The following RAD52 variants were observed in gnomAD, a reference collection of about 807,000 sequenced individuals.
RAD52 encodes RAD52 DNA repair protein, also known as DNA repair protein RAD52 homolog.
In RAD52, 47 loss-of-function variants were observed where a neutral mutation model predicts 55.5. That is an observed-to-expected ratio of 0.85 (90% CI 0.67 to 1.08). The LOEUF (loss-of-function observed/expected upper bound fraction) is 1.08, where lower values mean the gene tolerates loss of function less well. Among genes scored for constraint, RAD52 ranks in the 50% least tolerant of loss-of-function variants. The pLI, the probability that RAD52 is intolerant of heterozygous loss-of-function variation, is 0.00. For synonymous variants in RAD52, 184 were observed against 198.9 expected, an observed-to-expected ratio of 0.92 and a Z score of 0.63; for missense variants, 468 against 522.8, an observed-to-expected ratio of 0.90 and a Z score of 1.02.
intron 7 of RAD52, among the ~76,000 whole-genome samples, chr12:922,434 T>C (rs11064593): frequency 0.36 from 54,009 of 151,916 alleles, 10,067 homozygotes; most frequent in East Asian, 0.53. Context: ...CCCTCGTTCA[T>C]AGCAGCATTA....
intron 7 of RAD52, among the ~76,000 whole-genome samples, chr12:924,760 T>C (rs1488631029): frequency 8.6e-6 from 1 of 116,518 alleles, no homozygotes; most frequent in Non-Finnish European, 2.1e-5. Context: ...ACATCAGACA[T>C]GTAATGACAC....
intron 1 of RAD52, among the ~76,000 whole-genome samples, chr12:940,104 T>C (rs1157127790): frequency 2.0e-5 from 3 of 148,904 alleles, no homozygotes; most frequent in South Asian, 4.2e-4. Flanking sequence ...AAGAGGACAA[T>C]GGAGAGCCTA....
rs1250295451 is a variant in RAD52 at position 916,832 on chromosome 12, G to A, written c.544-12C>T. The A allele has an allele frequency of 1.3e-6, 2 of 1,590,014 alleles. No individual in the cohort carries two copies. Among genetic ancestry groups the A allele is most frequent in the Non-Finnish European group, 1.7e-6 (2 of 1,160,642 alleles). On this transcript the variant is annotated splice_polypyrimidine_tract_variant and intron_variant, in intron 7 of 11. Coordinates refer to ENST00000358495, the MANE Select transcript of RAD52 (RefSeq NM_134424.4). ...ACTTCAAGAGGCAACTAGAAGGAAA[G>A]AAGAAAAACAAATTCCTTCAACTGG...
chr12:913,163 T>C lies in RAD52; in HGVS notation c.*228A>G. The C allele has an allele frequency of 2.2e-6, 1 of 452,674 alleles. No homozygotes were observed. Among genetic ancestry groups the C allele is most frequent in the Non-Finnish European group, 3.9e-6 (1 of 257,042 alleles). The allele number at this position is 452,674 out of a possible 1,614,324, so 28.0% of individuals were successfully genotyped here. A position where few individuals can be genotyped will look rare whatever the true frequency, so the allele number is the denominator to read the frequency against. On this transcript the variant is annotated 3_prime_UTR_variant, in exon 12 of 12. Transcript: ENST00000358495. ...GCCTCACAAGCCGAAGAAAAGGTAT[T>C]CATCTGTCCAGAGCCTCTCCCTACT...
rs777792152 is a variant in RAD52 at position 913,916 on chromosome 12, A to G, written c.1173T>C (p.Tyr391=). ...TACCTGTTGTGCGTTGGTCAGCGCT[A>G]TAAGTTTGGAGGTCCCAAGATCCAG... The part of the protein sequence containing the change: ...AKSGSWDLQT[Y]SADQRTTGNW... Residue 391 remains tyrosine, a synonymous_variant, in exon 11 of 12, where the codon TAT becomes TAC. Coordinates refer to ENST00000358495, the MANE Select transcript of RAD52 (RefSeq NM_134424.4). 1.4e-5 allele frequency: 23 copies of G among 1,614,018 alleles called. No homozygotes were observed. The East Asian group carries it at 2.0e-4, about 14-fold the overall frequency.
intron 1 of RAD52, among the ~76,000 whole-genome samples, chr12:937,304 T>C (rs1957688483): frequency 6.6e-6 from 1 of 152,208 alleles, no homozygotes; most frequent in Non-Finnish European, 1.5e-5. Context: ...CTCTGCTTCC[T>C]GAGAGCACAC....
chr12:944,622 A>C (rs554035815), intron 1 of RAD52, among the ~76,000 whole-genome samples: 20 of 146,618 alleles, frequency 1.4e-4, no homozygotes, highest in East Asian at 8.6e-4. Flanking sequence ...AAAAAAAAAA[A>C]AAAAAACTCA....
At position 912,031 on chromosome 12, in the gene RAD52, A is replaced by G. The variant is rs897563288; in HGVS notation, c.*1360T>C. 6.0e-5 allele frequency: 12 copies of G among 200,610 alleles called. No homozygotes were observed. Among genetic ancestry groups the G allele is most frequent in the Non-Finnish European group, 1.1e-4 (11 of 97,336 alleles). The allele number at this position is 200,610 out of a possible 1,614,324, so 12.4% of individuals were successfully genotyped here. A position where few individuals can be genotyped will look rare whatever the true frequency, so the allele number is the denominator to read the frequency against. On this transcript the variant is annotated 3_prime_UTR_variant, in exon 12 of 12. Transcript: ENST00000358495. ...AGAGCCAGACCCCCCCTCTCAAAAAAAAAGTTGTTAAACTGCAAACTTCAT... is the reference window on the plus strand; with the variant it reads ...AGAGCCAGACCCCCCCTCTCAAAAAGAAAGTTGTTAAACTGCAAACTTCAT...
chr12:990,373 CAAAA>C (rs908339565), upstream of RAD52: 2 of 151,364 alleles, frequency 1.3e-5, no homozygotes, highest in African/African-American at 4.9e-5. Flanking sequence ...AAACAAAAAA[CAAAA>C]AACAAAACCA....
upstream of RAD52, among the ~76,000 whole-genome samples, chr12:952,121 G>C (rs1248663337): frequency 6.6e-6 from 1 of 152,094 alleles, no homozygotes; most frequent in African/African-American, 2.4e-5. Context: ...TACATGCCCA[G>C]CTAAGTAAAA....
At chr12:914,948 A>G (rs1160242036) in intron 9 of RAD52, among the ~76,000 whole-genome samples, 1 of 152,182 alleles carries the variant, frequency 6.6e-6, no homozygotes. Context: ...GCTTGAAACC[A>G]GGAATTCGAG....
At chr12:959,960 AG>A (rs1307807562) in intron 1 of RAD52, among the ~76,000 whole-genome samples, 1 of 152,160 alleles carries the variant, frequency 6.6e-6, no homozygotes, top group Non-Finnish European at 1.5e-5. Context: ...GCAAATACAA[AG>A]GTCCAGAGGT....
chr12:925,600 C>G, intron 6 of RAD52, 75 bp from the exon 7 acceptor site: 22 of 1,251,624 alleles, frequency 1.8e-5, no homozygotes, highest in Non-Finnish European at 2.5e-5. Flanking sequence ...AGAATTACAA[C>G]TTTTGTACAG....
chr12:953,919 G>A (rs1324426469), upstream of RAD52, among the ~76,000 whole-genome samples: 3 of 152,152 alleles, frequency 2.0e-5, no homozygotes, highest in Non-Finnish European at 2.9e-5. Context: ...GGTGACAGAC[G>A]TCTATTTTAT....
chr12:954,405 G>T (rs146855299), upstream of RAD52, among the ~76,000 whole-genome samples: 1 of 152,214 alleles, frequency 6.6e-6, no homozygotes, highest in Non-Finnish European at 1.5e-5. Flanking sequence ...GCCGAGGTGG[G>T]TGGATCACTT....
At chr12:968,127 C>T (rs1958795287) in intron 1 of RAD52, among the ~76,000 whole-genome samples, 2 of 152,058 alleles carry the variant, frequency 1.3e-5, no homozygotes, top group Non-Finnish European at 2.9e-5. Context: ...CAATTCTTTC[C>T]TCCATAAAAG....
chr12:949,246 AACTT>A (rs1211632001), intron 1 of RAD52, among the ~76,000 whole-genome samples: 2 of 151,990 alleles, frequency 1.3e-5, no homozygotes, highest in Non-Finnish European at 2.9e-5. Context: ...CCTGCAACTC[AACTT>A]CGTTTAGCTA....
In RAD52 at chr12:913,198, G is replaced by A. The variant is rs1956188645; in HGVS notation, c.*193C>T. The A allele has an allele frequency of 8.3e-6, 5 of 601,864 alleles. No homozygotes were observed. The highest frequency in any genetic ancestry group is 3.1e-5 in the Admixed American group (1 of 32,258). 37.3% of individuals were successfully genotyped at this position (601,864 alleles called of 1,614,324 possible). A position where few individuals can be genotyped will look rare whatever the true frequency, so the allele number is the denominator to read the frequency against. The stretch of plus-strand genomic sequence containing the variant: ...AGAGCCTCTCCCTACTAGAGTGATG[G>A]ACAAGCTTTTCAAAAGTGCTCAGCT... On this transcript the variant is annotated 3_prime_UTR_variant, in exon 12 of 12. Transcript: ENST00000358495.
chr12:940,636 C>A (rs987378262), intron 1 of RAD52, among the ~76,000 whole-genome samples: 2 of 150,492 alleles, frequency 1.3e-5, no homozygotes, highest in Non-Finnish European at 3.0e-5. Context: ...AAAACAAAAC[C>A]AAAGAGAAAG....
Sources: gnomAD v4.1 joint callset for allele counts (sites outside exome capture counted in the v4.1 genomes callset) on GRCh38, gnomAD v4.1.1 for gene constraint, MANE v1.5 for transcripts, NCBI Gene and HGNC (gene_info 2026-07-23, HGNC 2026-07-21) for gene names.